Variants in PDE5A observed in about 807,000 individuals in gnomAD.
PDE5A encodes phosphodiesterase 5A.
PDE5A carries 67 observed loss-of-function variants against 110.2 expected under a neutral mutation model. The ratio of observed to expected loss-of-function variants is 0.61; its 90% CI spans 0.50 to 0.75. The LOEUF is 0.75. Ranked by LOEUF, PDE5A falls within the 30% of genes least tolerant of loss-of-function variation. The probability of loss-of-function intolerance (pLI) is 0.00; values close to 1 mark genes in which losing one functional copy is unlikely to be tolerated. For missense variants in PDE5A, 862 were observed against 1,045.1 expected (o/e 0.82, Z 2.42); for synonymous variants, 328 against 351.2 (o/e 0.93, Z 0.74).
At chr4:119,628,465 C>T (rs1331461795) in intron 1 of PDE5A, 55 bp downstream of exon 1, 1 of 1,428,842 alleles carries the variant, frequency 7.0e-7, no homozygotes, top group Non-Finnish European at 9.5e-7. Flanking sequence ...ACGAAGGGCA[C>T]AATTCAACAG....
intron 9 of PDE5A, among the ~76,000 whole-genome samples, chr4:119,546,689 C>A (rs535040787): frequency 6.6e-4 from 83 of 126,368 alleles, no homozygotes; most frequent in Non-Finnish European, 1.2e-3. Flanking sequence ...TGATGCAAAT[C>A]TAATCTGGGA....
intron 2 of PDE5A, 48 bp downstream of exon 2, chr4:119,606,661 A>C: frequency 5.9e-6 from 8 of 1,366,266 alleles, no homozygotes; most frequent in Non-Finnish European, 7.2e-6. Context: ...CGCCCCAGCC[A>C]TAGTCCCCTC....
At chr4:119,539,560 A>G (rs1726852993) in intron 10 of PDE5A, among the ~76,000 whole-genome samples, 1 of 151,926 alleles carries the variant, frequency 6.6e-6, no homozygotes, top group Non-Finnish European at 1.5e-5. Flanking sequence ...ATCCCTTTAC[A>G]CTCCTACAAT....
At position 119,505,803 on chromosome 4, in the gene PDE5A, G is replaced by A; in HGVS notation, c.2267+52C>T. 3.8e-6 allele frequency: 4 copies of A among 1,057,326 alleles called. No homozygotes were observed. The South Asian group carries it at 6.0e-5, about 16-fold the overall frequency. 65.5% of individuals were successfully genotyped at this position (1,057,326 alleles called of 1,614,324 possible). On this transcript the variant is annotated intron_variant, in intron 17 of 20. Transcript: ENST00000354960. Reference sequence around the variant, plus strand: ...ACTAACAGTGAGGAAAAAATAGTGAGAAAATTAACTGGGTAAAAAACTTCA... The same window carrying A: ...ACTAACAGTGAGGAAAAAATAGTGAAAAAATTAACTGGGTAAAAAACTTCA...
chr4:119,513,694 A>AG (rs1295789680), intron 14 of PDE5A, among the ~76,000 whole-genome samples: 1 of 152,184 alleles, frequency 6.6e-6, no homozygotes, highest in Non-Finnish European at 1.5e-5. Context: ...ACACTGTCTT[A>AG]GGATACCAAA....
chr4:119,510,817 A>T (rs1409937329), intron 15 of PDE5A, among the ~76,000 whole-genome samples: 1 of 152,144 alleles, frequency 6.6e-6, no homozygotes, highest in African/African-American at 2.4e-5. Context: ...ATAGCCACGT[A>T]GAGTAGAATA....
intron 3 of PDE5A, among the ~76,000 whole-genome samples, chr4:119,577,262 G>A (rs1304309924): frequency 1.3e-5 from 2 of 152,158 alleles, no homozygotes; most frequent in Non-Finnish European, 2.9e-5. Context: ...GAGGTACAAG[G>A]AGGAGCTGGT....
intron 3 of PDE5A, among the ~76,000 whole-genome samples, chr4:119,589,856 C>T (rs1273817999): frequency 6.6e-6 from 1 of 152,156 alleles, no homozygotes; most frequent in Non-Finnish European, 1.5e-5. Context: ...GAAGGGCCAG[C>T]AGAATACAGG....
intron 7 of PDE5A, among the ~76,000 whole-genome samples, chr4:119,556,343 C>T (rs534473558): frequency 6.6e-6 from 1 of 152,088 alleles, no homozygotes; most frequent in South Asian, 2.1e-4. Flanking sequence ...CTTTCCCAGT[C>T]CCCCATCCTA....
intron 9 of PDE5A, chr4:119,549,887 A>C (rs899962103): frequency 6.6e-6 from 1 of 152,228 alleles, no homozygotes; most frequent in Non-Finnish European, 1.5e-5. Flanking sequence ...AATGTCTATA[A>C]TTCCATCTAA....
At chr4:119,569,688 T>A (rs1728077064) in intron 3 of PDE5A, 1 of 152,570 alleles carries the variant, frequency 6.6e-6, no homozygotes, top group Non-Finnish European at 1.5e-5. Flanking sequence ...TTAGGTAGTA[T>A]AAGTAATCTA....
Position 119,553,680 on chromosome 4 carries a change from A to T in PDE5A, c.1266T>A (p.Leu422=). 6.3e-7 allele frequency: 1 copy of T among 1,596,688 alleles called. No homozygotes were observed. The highest frequency in any genetic ancestry group is 8.6e-7 in the Non-Finnish European group (1 of 1,164,388). ...AQYVKNTMEP[L]NIPDVSKDKR... ...TATCCTTACTGACATCTGGGATATT[A>T]AGTGGTTCCATAGTATTTTTGACAT... The change falls in exon 8 of 21, where the codon CTT becomes CTA. Residue 422 remains leucine (L), a synonymous_variant. Coordinates refer to ENST00000354960, the MANE Select transcript of PDE5A (RefSeq NM_001083.4).
At chr4:119,577,061 C>T (rs1006848017) in intron 3 of PDE5A, among the ~76,000 whole-genome samples, 1 of 152,180 alleles carries the variant, frequency 6.6e-6, no homozygotes, top group Non-Finnish European at 1.5e-5. Flanking sequence ...ATAAACACCT[C>T]TACGCAAATA....
chr4:119,564,988 A>G lies in PDE5A; in HGVS notation c.993+333T>C, dbSNP rs764154637. Among the ~76,000 whole-genome samples, 37 of 152,268 alleles carry G rather than the reference A, an allele frequency of 2.4e-4. 1 individual carries two copies. Among genetic ancestry groups the G allele is most frequent in the Admixed American group, 3.3e-4 (5 of 15,290 alleles). On this transcript the variant is annotated intron_variant, in intron 5 of 20. Transcript: ENST00000354960. ...GAGTAATATCTACAGTTGACAGAGCAAGAACTAAAACCATTATTTAACAAC... is the reference window on the plus strand; with the variant it reads ...GAGTAATATCTACAGTTGACAGAGCGAGAACTAAAACCATTATTTAACAAC...
intron 3 of PDE5A, among the ~76,000 whole-genome samples, chr4:119,578,618 G>GAA (rs1442102744): frequency 6.6e-6 from 1 of 152,190 alleles, no homozygotes; most frequent in Non-Finnish European, 1.5e-5. Context: ...ATGGTGCTGG[G>GAA]AAAACTGGCT....
chr4:119,625,730 T>TA (rs912648411), intron 1 of PDE5A, among the ~76,000 whole-genome samples: 42 of 150,452 alleles, frequency 2.8e-4, no homozygotes, highest in Non-Finnish European at 5.0e-4. Context: ...CTCCTACTTT[T>TA]AAAAAAAAAA....
intron 3 of PDE5A, among the ~76,000 whole-genome samples, chr4:119,590,998 G>A (rs992383285): frequency 6.6e-6 from 1 of 152,108 alleles, no homozygotes; most frequent in Non-Finnish European, 1.5e-5. Flanking sequence ...ACTCGATAAG[G>A]GTGGACTTAG....
chr4:119,542,413 T>G, intron 10 of PDE5A, 46 bp downstream of exon 10: 12 of 1,556,638 alleles, frequency 7.7e-6, no homozygotes, highest in African/African-American at 1.4e-5. Context: ...AGGTAAAAGA[T>G]GAGGGTTTGG....
chr4:119,532,320 AT>A (rs1044081066), intron 11 of PDE5A, among the ~76,000 whole-genome samples: 2 of 152,154 alleles, frequency 1.3e-5, no homozygotes, highest in East Asian at 1.9e-4. Flanking sequence ...TGAAATACAT[AT>A]TTTTTAAGTG....
Sources: allele counts gnomAD v4.1 joint callset (sites outside exome capture counted in the v4.1 genomes callset), GRCh38; gene constraint gnomAD v4.1.1; transcripts MANE v1.5; gene names NCBI Gene and HGNC (gene_info 2026-07-23, HGNC 2026-07-21).